The following CCM2 variants were observed in gnomAD, a reference collection of about 807,000 sequenced individuals.
The protein encoded by CCM2 is cerebral cavernous malformations 2 protein.
A neutral mutation model predicts 44.9 loss-of-function variants in CCM2; 25 were observed. The observed-to-expected ratio is 0.56, with a 90% CI of 0.41 to 0.78. The LOEUF is 0.78. Among genes scored for constraint, CCM2 ranks in the 30% least tolerant of loss-of-function variants. CCM2 has a pLI of 0.00. For synonymous variants in CCM2, 219 were observed against 241.1 expected (o/e 0.91, Z 0.85); for missense variants, 481 against 580.6 (o/e 0.83, Z 1.76).
intron 6 of CCM2, chr7:45,070,720 G>A (rs542871228): frequency 2.1e-4 from 44 of 211,584 alleles, no homozygotes; most frequent in Middle Eastern, 2.2e-3. Context: ...AGGCTGAGGC[G>A]GGCGGATCAC....
At chr7:45,003,745 C>T (rs954059450) in intron 1 of CCM2, among the ~76,000 whole-genome samples, 2 of 147,744 alleles carry the variant, frequency 1.4e-5, no homozygotes, top group Non-Finnish European at 3.0e-5. Flanking sequence ...AAAAAAAAAC[C>T]ATCTTGTGGC....
At chr7:45,052,004 C>T (rs1039888721) in intron 2 of CCM2, among the ~76,000 whole-genome samples, 1 of 152,204 alleles carries the variant, frequency 6.6e-6, no homozygotes, top group African/African-American at 2.4e-5. Flanking sequence ...TTTTATAGGA[C>T]ATTGAATTCC....
In CCM2 at chr7:45,027,684, A is replaced by G. The variant is rs1048247360; in HGVS notation, c.31-10569A>G. The G allele has an allele frequency of 2.5e-5, 40 of 1,614,014 alleles. 1 individual carries two copies. The highest frequency in any genetic ancestry group is 6.7e-5 in the Admixed American group (4 of 59,984). On this transcript the variant is annotated intron_variant, in intron 1 of 9. Coordinates refer to ENST00000258781, the MANE Select transcript of CCM2 (RefSeq NM_031443.4). ...CTAACATCTGGCCATATTTTTCAACAAATTCAGAAGTGAGTAGAGAATGCA... is the reference window on the plus strand; with the variant it reads ...CTAACATCTGGCCATATTTTTCAACGAATTCAGAAGTGAGTAGAGAATGCA...
chr7:45,057,082 C>G (rs1322897098), intron 2 of CCM2, among the ~76,000 whole-genome samples: 1 of 152,184 alleles, frequency 6.6e-6, no homozygotes, highest in Non-Finnish European at 1.5e-5. Context: ...GTCTTTTCCC[C>G]ATTGAATGCT....
intron 1 of CCM2, among the ~76,000 whole-genome samples, chr7:45,002,446 A>G (rs948372750): frequency 5.3e-5 from 8 of 152,180 alleles, no homozygotes; most frequent in South Asian, 2.1e-4. Context: ...GCGCTCGCCT[A>G]TAGTCTCAGC....
At position 45,068,169 on chromosome 7, in the gene CCM2, A is replaced by T. The variant is rs1798875291; in HGVS notation, c.473-274A>T. On this transcript the variant is annotated intron_variant, in intron 4 of 9. Coordinates refer to ENST00000258781, the MANE Select transcript of CCM2 (RefSeq NM_031443.4). ...TGGAGGTGACTGTTCTCAGGGTTGT[A>T]TATGTGGTCTGTTGTATATGAACTT... 15 of 505,512 alleles carry T rather than the reference A, an allele frequency of 3.0e-5. No individual in the cohort carries two copies. In the South Asian group the frequency reaches 3.0e-4, roughly 10 times the overall value. The allele number at this position is 505,512 out of a possible 1,614,324, so 31.3% of individuals were successfully genotyped here. A position where few individuals can be genotyped will look rare whatever the true frequency, so the allele number is the denominator to read the frequency against.
At position 45,032,157 on chromosome 7, in the gene CCM2, T is replaced by C. The variant is rs181353507; in HGVS notation, c.31-6096T>C. On this transcript the variant is annotated intron_variant, in intron 1 of 9. Transcript: ENST00000258781. ...TTTCTTTACTTAATAGTGTTAATATTCCACTTTCTAGGAAGGCTTACCCAT... is the reference window on the plus strand; with the variant it reads ...TTTCTTTACTTAATAGTGTTAATATCCCACTTTCTAGGAAGGCTTACCCAT... Among the ~76,000 whole-genome samples the C allele has an allele frequency of 2.0e-5, 3 of 152,234 alleles. No individual in the cohort carries two copies. In the East Asian group the frequency reaches 5.8e-4, roughly 29 times the overall value.
In CCM2 at chr7:45,073,535, C is replaced by T; in HGVS notation, c.879C>T (p.Ala293=). The T allele has an allele frequency of 1.2e-6, 2 of 1,612,780 alleles. No homozygotes were observed. Residue 293 remains alanine (A), a synonymous_variant, in exon 8 of 10, where the codon GCC becomes GCT. Coordinates refer to ENST00000258781, the MANE Select transcript of CCM2 (RefSeq NM_031443.4). ...CCATCAGTGAGAGCGAGCTGAGCGC[C>T]AGCGCCACTGAGCTGCTGCAGGACT... is the stretch of plus-strand genomic sequence containing the variant. ...SKTISESELS[A]SATELLQDYM...
At chr7:45,016,549 T>C (rs574738210) in intron 1 of CCM2, among the ~76,000 whole-genome samples, 101 of 151,216 alleles carry the variant, frequency 6.7e-4, no homozygotes, top group African/African-American at 2.2e-3. Flanking sequence ...AGGCTGGTCT[T>C]GAACTCCTGA....
At chr7:45,024,611 ACTG>A (rs999754214) in intron 1 of CCM2, among the ~76,000 whole-genome samples, 3 of 152,206 alleles carry the variant, frequency 2.0e-5, no homozygotes, top group African/African-American at 7.2e-5. Flanking sequence ...ATCCCAAGGC[ACTG>A]CAGGTGTGAA....
chr7:45,033,841 A>C (rs1264976666), intron 1 of CCM2, among the ~76,000 whole-genome samples: 1 of 152,204 alleles, frequency 6.6e-6, no homozygotes, highest in African/African-American at 2.4e-5. Context: ...GAAGAGAGGA[A>C]ATCACAGGCA....
chr7:45,024,392 T>C (rs763638828), intron 1 of CCM2, among the ~76,000 whole-genome samples: 1 of 152,194 alleles, frequency 6.6e-6, no homozygotes, highest in Non-Finnish European at 1.5e-5. Flanking sequence ...ACTTCTAGGC[T>C]CTTAGTTTAC....
chr7:45,005,592 A>C (rs73105843), intron 1 of CCM2, among the ~76,000 whole-genome samples: 8,418 of 152,138 alleles, frequency 0.055, 279 homozygotes, highest in African/African-American at 0.086. Flanking sequence ...AGTCCTATAA[A>C]CCTAACTATT....
At chr7:45,006,967 A>G (rs1284313384) in intron 1 of CCM2, among the ~76,000 whole-genome samples, 2 of 152,180 alleles carry the variant, frequency 1.3e-5, no homozygotes, top group Non-Finnish European at 2.9e-5. Flanking sequence ...AGCAAACCCT[A>G]GAGTTCAGTT....
intron 2 of CCM2, among the ~76,000 whole-genome samples, chr7:45,041,971 C>G (rs1797525421): frequency 6.6e-6 from 1 of 152,130 alleles, no homozygotes; most frequent in Non-Finnish European, 1.5e-5. Context: ...CCTTTGACCC[C>G]TACTTGGTGG....
At chr7:45,043,589 A>G (rs796179443) in intron 2 of CCM2, 24 of 295,410 alleles carry the variant, frequency 8.1e-5, no homozygotes, top group African/African-American at 5.1e-4. Context: ...GGATTGTGCC[A>G]CTGCACTCCA....
intron 1 of CCM2, among the ~76,000 whole-genome samples, chr7:45,021,053 A>G (rs1166243999): frequency 2.0e-5 from 3 of 152,122 alleles, no homozygotes; most frequent in African/African-American, 7.2e-5. Context: ...GAGGTCGAGA[A>G]TATCGAGTGC....
intron 1 of CCM2, among the ~76,000 whole-genome samples, chr7:45,022,705 T>C (rs1367495602): frequency 6.6e-6 from 1 of 152,124 alleles, no homozygotes; most frequent in Non-Finnish European, 1.5e-5. Context: ...AAGTGGTTTT[T>C]GGTTACATGG....
chr7:45,032,946 CAGG>C (rs1188079047), intron 1 of CCM2, among the ~76,000 whole-genome samples: 1 of 142,996 alleles, frequency 7.0e-6, no homozygotes, highest in Non-Finnish European at 1.5e-5. Flanking sequence ...GAGGCTGAGG[CAGG>C]AGAATTGCTT....
Sources: gnomAD v4.1 joint callset for allele counts (sites outside exome capture counted in the v4.1 genomes callset) on GRCh38, gnomAD v4.1.1 for gene constraint, MANE v1.5 for transcripts, NCBI Gene and HGNC (gene_info 2026-07-23, HGNC 2026-07-21) for gene names.